Variants in COL5A2 observed in about 807,000 individuals in gnomAD.
COL5A2 encodes the protein collagen type V alpha 2 chain, also known as collagen alpha-2(V) chain.
Under a neutral mutation model 208.2 loss-of-function variants are expected in COL5A2, and 23 were observed. That is an observed-to-expected ratio of 0.11 (90% CI 0.08 to 0.16). The LOEUF (loss-of-function observed/expected upper bound fraction) is 0.16. Among genes scored for constraint, COL5A2 ranks in the 10% least tolerant of loss-of-function variants. The pLI is 1.00. For missense variants in COL5A2, 1,590 were observed against 1,956.4 expected (o/e 0.81, Z 3.53); for synonymous variants, 625 against 628.5 (o/e 0.99, Z 0.08).
Position 189,039,532 on chromosome 2 carries a change from G to C in COL5A2, c.3665C>G (p.Pro1222Arg). The part of the protein sequence containing the change: ...GPPGEPGPPG[P>R]PGPPGHLTAA... The stretch of plus-strand genomic sequence containing the variant: ...TGTAAGGTGGCCAGGGGGACCCGGA[G>C]GGCCAGGTGGGCCAGGCTCACCAGG... Residue 1222 changes from proline (P) to arginine (R), a missense_variant, in exon 51 of 54, where the codon CCT becomes CGT. Physicochemically the swap from Pro to Arg is moderately radical, Grantham distance 103. Transcript: ENST00000374866. 1.2e-6 allele frequency: 2 copies of C among 1,613,848 alleles called. No homozygotes were observed.
chr2:189,191,551 G>A (rs941120913), intron 1 of COL5A2, among the ~76,000 whole-genome samples: 1 of 152,072 alleles, frequency 6.6e-6, no homozygotes, highest in Non-Finnish European at 1.5e-5. Context: ...TGAGGCACAA[G>A]AATCACTTGA....
rs760946138 is a variant in COL5A2 at position 189,051,356 on chromosome 2, T to C, written c.2895A>G (p.Pro965=). 465 of 1,613,854 alleles carry C rather than the reference T, an allele frequency of 2.9e-4. No homozygotes were observed. The highest frequency in any genetic ancestry group is 3.7e-4 in the Non-Finnish European group (437 of 1,179,970). Residue 965 remains proline, a synonymous_variant, in exon 42 of 54, where the codon CCA becomes CCG. Coordinates refer to ENST00000374866, the MANE Select transcript of COL5A2 (RefSeq NM_000393.5). ...CTTCTCCTGGGTCCCCTTTGTCTCC[T>C]GGGCCACCAGGGGGGCCAGCTGGTC... ...DRGPAGPPGG[P]GDKGDPGEDG... is the part of the protein sequence containing the mutation.
the COL5A2 span, among the ~76,000 whole-genome samples, chr2:189,312,543 C>T: frequency 6.6e-6 from 1 of 152,150 alleles, no homozygotes; most frequent in Admixed American, 6.5e-5. Context: ...CATGCCGTCC[C>T]AGGAAGAGAG....
At chr2:189,346,173 G>A in the COL5A2 span, among the ~76,000 whole-genome samples, 2 of 152,166 alleles carry the variant, frequency 1.3e-5, no homozygotes, top group Non-Finnish European at 2.9e-5. Context: ...GCCGCTTGAG[G>A]CAAAGTAAAG....
intron 3 of COL5A2, among the ~76,000 whole-genome samples, chr2:189,101,114 G>T (rs1479606920): frequency 6.6e-6 from 1 of 151,956 alleles, no homozygotes; most frequent in African/African-American, 2.4e-5. Flanking sequence ...TTTTTAAAAT[G>T]TATTACTTTC....
At chr2:189,039,652 G>A in intron 50 of COL5A2, 89 bp from the exon 51 acceptor site, 4 of 1,292,620 alleles carry the variant, frequency 3.1e-6, no homozygotes, top group Non-Finnish European at 4.3e-6. Flanking sequence ...GTTCCAATGA[G>A]ACACTCCAAT....
intron 1 of COL5A2, among the ~76,000 whole-genome samples, chr2:189,189,166 A>G (rs1364297643): frequency 6.6e-6 from 1 of 152,200 alleles, no homozygotes; most frequent in Non-Finnish European, 1.5e-5. Context: ...TCAACATGCC[A>G]GAAGAATTCA....
At chr2:189,275,208 G>C in the COL5A2 span, among the ~76,000 whole-genome samples, 1 of 151,994 alleles carries the variant, frequency 6.6e-6, no homozygotes, top group Admixed American at 6.6e-5. Context: ...CTTTTGCATA[G>C]AAGTTATTAA....
At chr2:189,397,285 T>C in the COL5A2 span, among the ~76,000 whole-genome samples, 1 of 152,346 alleles carries the variant, frequency 6.6e-6, no homozygotes, top group Non-Finnish European at 1.5e-5. Context: ...TATTGACTAA[T>C]TGTAAATAAC....
the COL5A2 span, among the ~76,000 whole-genome samples, chr2:189,434,842 GA>G: frequency 6.6e-6 from 1 of 152,008 alleles, no homozygotes; most frequent in African/African-American, 2.4e-5. Context: ...AGTTCATATG[GA>G]ACCAAAAAAG....
chr2:189,133,575 G>A (rs1687768363), intron 1 of COL5A2, among the ~76,000 whole-genome samples: 1 of 152,130 alleles, frequency 6.6e-6, no homozygotes, highest in Non-Finnish European at 1.5e-5. Flanking sequence ...CCTTTGTTGA[G>A]CTGCGAAATG....
rs2153507890 is a variant in COL5A2, at chr2:189,049,366, A to C, written c.3128T>G (p.Val1043Gly). The stretch of plus-strand genomic sequence containing the variant: ...ACTCACTTCTGGTCCAGGTTCCCCT[A>C]CAGGACCATTGGAGCCTGGGGGCCC... ...PVGPPGSNGP[V>G]GEPGPEGPAG... The change falls in exon 44 of 54, where the codon GTA (valine) becomes GGA (glycine). Residue 1043 changes from valine to glycine, a missense_variant. Coordinates refer to ENST00000374866, the MANE Select transcript of COL5A2 (RefSeq NM_000393.5). The C allele has an allele frequency of 5.0e-6, 8 of 1,611,726 alleles. No homozygotes were observed. Among genetic ancestry groups the C allele is most frequent in the Non-Finnish European group, 6.8e-6 (8 of 1,178,312 alleles).
chr2:189,166,587 G>A lies in COL5A2; in HGVS notation c.97+12921C>T, dbSNP rs571559826. Among the ~76,000 whole-genome samples, 5 of 152,250 alleles carry A rather than the reference G, an allele frequency of 3.3e-5. No homozygotes were observed. The South Asian group carries it at 6.2e-4, about 19-fold the overall frequency. On this transcript the variant is annotated intron_variant, in intron 1 of 53. Transcript: ENST00000374866. Reference sequence around the variant, plus strand: ...TTTGATTATAACCAGACAGCTTTCAGTTTCTATTAGAAAAGACTTGAAGTA... The same window carrying A: ...TTTGATTATAACCAGACAGCTTTCAATTTCTATTAGAAAAGACTTGAAGTA...
the COL5A2 span, among the ~76,000 whole-genome samples, chr2:189,238,511 A>G: frequency 6.6e-6 from 1 of 152,120 alleles, no homozygotes; most frequent in Non-Finnish European, 1.5e-5. Flanking sequence ...ACTGCTATAT[A>G]AAGAACTGCC....
At chr2:189,061,509 A>G in intron 30 of COL5A2, 53 bp downstream of exon 30, 1 of 1,341,524 alleles carries the variant, frequency 7.5e-7, no homozygotes, top group Non-Finnish European at 1.1e-6. Flanking sequence ...TTTTAAAAAA[A>G]AAAAGCATTT....
the COL5A2 span, among the ~76,000 whole-genome samples, chr2:189,299,515 A>G: frequency 6.6e-6 from 1 of 152,198 alleles, no homozygotes; most frequent in Non-Finnish European, 1.5e-5. Context: ...TGGGGCAAAC[A>G]TATTTTAATA....
upstream of COL5A2, among the ~76,000 whole-genome samples, chr2:189,227,457 C>G (rs562927421): frequency 4.3e-4 from 65 of 152,072 alleles, no homozygotes; most frequent in Non-Finnish European, 8.4e-4. Flanking sequence ...AAAAGAAGAT[C>G]CGACTATGTG....
intron 2 of COL5A2, among the ~76,000 whole-genome samples, chr2:189,109,024 C>T (rs552212361): frequency 6.7e-6 from 1 of 148,810 alleles, no homozygotes; most frequent in South Asian, 2.1e-4. Flanking sequence ...TTCACATGGT[C>T]TATAGCAATA....
chr2:189,056,992 G>T lies in COL5A2; in HGVS notation c.2372C>A (p.Ala791Asp). Residue 791 changes from alanine to aspartate, a missense_variant, in exon 35 of 54, where the codon GCT becomes GAT. Coordinates refer to ENST00000374866, the MANE Select transcript of COL5A2 (RefSeq NM_000393.5). ...ACTTACTCTTGCACCATCATTTCCA[G>T]CTGTGCCTTCAGCACCTTTTTCTCC... ...GIGEKGAEGT[A>D]GNDGARGLPG... 6.2e-7 allele frequency: 1 copy of T among 1,613,972 alleles called. No homozygotes were observed. The highest frequency in any genetic ancestry group is 8.5e-7 in the Non-Finnish European group (1 of 1,179,956).
Sources: gnomAD v4.1 joint callset for allele counts (sites outside exome capture counted in the v4.1 genomes callset) on GRCh38, gnomAD v4.1.1 for gene constraint, MANE v1.5 for transcripts, NCBI Gene and HGNC (gene_info 2026-07-23, HGNC 2026-07-21) for gene names.